SLC22A24: variants seen among roughly 807,000 people sequenced by gnomAD.
SLC22A24 encodes solute carrier family 22 member 24, also known as steroid transmembrane transporter SLC22A24.
A neutral mutation model predicts 49.8 loss-of-function variants in SLC22A24; 53 were observed. The ratio of observed to expected loss-of-function variants is 1.06; its 90% CI spans 0.85 to 1.34. The LOEUF (loss-of-function observed/expected upper bound fraction) is 1.34. Ranked by LOEUF, SLC22A24 falls within the 40% of genes most tolerant of loss-of-function variation. The pLI is 0.00. For synonymous variants in SLC22A24, 302 were observed against 256.4 expected (o/e 1.18, Z -1.70); for missense variants, 786 against 675.9 (o/e 1.16, Z -1.81).
intron 7 of SLC22A24, 117 bp from the exon 8 acceptor site, chr11:63,081,783 C>T (rs1367765098): frequency 5.8e-6 from 4 of 692,682 alleles, no homozygotes; most frequent in African/African-American, 3.5e-5. Context: ...GGTAGACAAA[C>T]TGCAACATGC....
At position 63,090,052 on chromosome 11, in the gene SLC22A24, G is replaced by A. The variant is rs1335408608; in HGVS notation, c.1070+5939C>T. ...GCTGAGATCGGGCCACTGCACTCCA[G>A]CCTGGACGACAGAACGAGACTCTGT... On this transcript the variant is annotated intron_variant, in intron 6 of 9. Transcript: ENST00000612278. Among the ~76,000 whole-genome samples, 4 of 116,138 alleles carry A rather than the reference G, an allele frequency of 3.4e-5. No homozygotes were observed. The Admixed American group carries it at 5.1e-4, about 15-fold the overall frequency. 76.2% of individuals were successfully genotyped at this position (116,138 alleles called of 152,430 possible).
chr11:63,096,377 G>A (rs576644437), intron 5 of SLC22A24, among the ~76,000 whole-genome samples: 1 of 152,230 alleles, frequency 6.6e-6, no homozygotes, highest in South Asian at 2.1e-4. Flanking sequence ...AAAAATATTT[G>A]CATTATAAAT....
chr11:63,139,487 T>G (rs1239364062), intron 1 of SLC22A24, among the ~76,000 whole-genome samples: 1 of 152,128 alleles, frequency 6.6e-6, no homozygotes. Context: ...TAATAGTAGT[T>G]ATGGAGGAAC....
At chr11:63,123,513 A>G (rs1053703016) in intron 2 of SLC22A24, among the ~76,000 whole-genome samples, 4 of 152,180 alleles carry the variant, frequency 2.6e-5, no homozygotes, top group African/African-American at 9.7e-5. Flanking sequence ...CTGAATATCC[A>G]TTATATACAA....
intron 2 of SLC22A24, among the ~76,000 whole-genome samples, chr11:63,125,878 T>C (rs561264746): frequency 1.3e-3 from 201 of 152,344 alleles, no homozygotes; most frequent in African/African-American, 3.9e-3. Flanking sequence ...TATCTCATTG[T>C]GGTTTTGATT....
chr11:63,136,522 T>C (rs891812113), intron 1 of SLC22A24, among the ~76,000 whole-genome samples: 12 of 152,234 alleles, frequency 7.9e-5, no homozygotes, highest in African/African-American at 2.4e-4. Flanking sequence ...ACCTGACCTC[T>C]TGCCAACTGA....
intron 4 of SLC22A24, among the ~76,000 whole-genome samples, chr11:63,109,965 G>GT (rs2087150809): frequency 6.6e-6 from 1 of 152,156 alleles, no homozygotes; most frequent in African/African-American, 2.4e-5. Flanking sequence ...TTCTTCTAGG[G>GT]TTTTTATGGT....
At chr11:63,103,828 TA>T (rs1486707708) in intron 5 of SLC22A24, among the ~76,000 whole-genome samples, 15 of 152,200 alleles carry the variant, frequency 9.9e-5, no homozygotes. Flanking sequence ...TATGATTAAT[TA>T]TAATTTATTT....
intron 6 of SLC22A24, among the ~76,000 whole-genome samples, chr11:63,088,061 G>A (rs1405831943): frequency 6.6e-6 from 1 of 152,162 alleles, no homozygotes; most frequent in East Asian, 1.9e-4. Context: ...TCCCAATAGA[G>A]TGCACCAGCT....
chr11:63,085,706 A>G (rs117191755), intron 6 of SLC22A24, among the ~76,000 whole-genome samples: 1 of 152,262 alleles, frequency 6.6e-6, no homozygotes, highest in Non-Finnish European at 1.5e-5. Context: ...CACATAGCCC[A>G]GTGCCTTCGC....
At chr11:63,127,949 T>C (rs1313179952) in intron 2 of SLC22A24, among the ~76,000 whole-genome samples, 2 of 152,086 alleles carry the variant, frequency 1.3e-5, no homozygotes, top group Non-Finnish European at 2.9e-5. Flanking sequence ...ACTTTTGCTG[T>C]GCAGAAGCTC....
Position 63,143,336 on chromosome 11 carries a change from A to G in SLC22A24, c.402+42T>C, listed in dbSNP as rs1218498482. 4.3e-6 allele frequency: 6 copies of G among 1,408,764 alleles called. No homozygotes were observed. In the East Asian group the frequency reaches 1.3e-4, roughly 31 times the overall value. 87.3% of individuals were successfully genotyped at this position (1,408,764 alleles called of 1,614,324 possible). On this transcript the variant is annotated intron_variant, in intron 1 of 9. Coordinates refer to ENST00000612278, the MANE Select transcript of SLC22A24 (RefSeq NM_001136506.2). Reference sequence around the variant, plus strand: ...CAATTTTTTTGTGTTAACTCCAAACACTTTAATCATATAAACAGAAGATTT... The same window carrying G: ...CAATTTTTTTGTGTTAACTCCAAACGCTTTAATCATATAAACAGAAGATTT...
intron 6 of SLC22A24, among the ~76,000 whole-genome samples, chr11:63,086,815 G>C (rs1440788768): frequency 6.6e-6 from 1 of 152,016 alleles, no homozygotes; most frequent in Non-Finnish European, 1.5e-5. Context: ...ATGCTAATTT[G>C]TCTCACTATA....
intron 3 of SLC22A24, 26 bp from the exon 4 acceptor site, chr11:63,119,106 T>A (rs1416393485): frequency 1.3e-6 from 2 of 1,531,542 alleles, no homozygotes; most frequent in East Asian, 2.5e-5. Flanking sequence ...TACATAGTAA[T>A]AATTTTAGAC....
Position 63,081,010 on chromosome 11 carries a change from A to T in SLC22A24, c.1508T>A (p.Val503Asp). 6.4e-7 allele frequency: 1 copy of T among 1,551,670 alleles called. No homozygotes were observed. The highest frequency in any genetic ancestry group is 8.7e-7 in the Non-Finnish European group (1 of 1,147,098). Residue 503 changes from valine to aspartate, a missense_variant, in exon 9 of 10, where the codon GTC becomes GAC. Coordinates refer to ENST00000612278, the MANE Select transcript of SLC22A24 (RefSeq NM_001136506.2). ...AACAGGGACAGCAAGGATGGGGAAG[A>T]CTCCATAGGAAATCCAGGGTAGGTG... The part of the protein sequence containing the change: ...SPHLPWISYG[V>D]FPILAVPVIL...
chr11:63,080,523 C>A (rs758496059), intron 9 of SLC22A24, among the ~76,000 whole-genome samples: 40 of 152,172 alleles, frequency 2.6e-4, no homozygotes, highest in Non-Finnish European at 4.6e-4. Context: ...CCTTTCCCAC[C>A]ACATAACAGG....
At chr11:63,127,940 C>T (rs1020205792) in intron 2 of SLC22A24, among the ~76,000 whole-genome samples, 2 of 151,786 alleles carry the variant, frequency 1.3e-5, no homozygotes, top group African/African-American at 2.4e-5. Context: ...ATGATAGTTA[C>T]TTTTGCTGTG....
At position 63,115,614 on chromosome 11, in the gene SLC22A24, G is replaced by A. The variant is rs145927442; in HGVS notation, c.830+3298C>T. 3.2e-4 allele frequency among the ~76,000 whole-genome samples: 49 copies of A among 152,296 alleles called. No homozygotes were observed. The East Asian group carries it at 9.3e-3, about 29-fold the overall frequency. On this transcript the variant is annotated intron_variant, in intron 4 of 9. Transcript: ENST00000612278. ...CCAGTGATATGAACAAGGTACCTCAGTTGGAAATGCAGAAATCACCCATCT... is the reference window on the plus strand; with the variant it reads ...CCAGTGATATGAACAAGGTACCTCAATTGGAAATGCAGAAATCACCCATCT...
At chr11:63,138,661 A>G (rs1055510454) in intron 1 of SLC22A24, among the ~76,000 whole-genome samples, 10 of 151,332 alleles carry the variant, frequency 6.6e-5, no homozygotes, top group Admixed American at 2.0e-4. Context: ...AAAAAAAAAA[A>G]AAAAAAAAGA....
Sources: gnomAD v4.1 joint callset for allele counts (sites outside exome capture counted in the v4.1 genomes callset) on GRCh38, gnomAD v4.1.1 for gene constraint, MANE v1.5 for transcripts, NCBI Gene and HGNC (gene_info 2026-07-23, HGNC 2026-07-21) for gene names.